Variants in LDHB observed in about 807,000 individuals in gnomAD.
LDHB encodes L-lactate dehydrogenase B chain.
A neutral mutation model predicts 33.4 loss-of-function variants in LDHB; 18 were observed. The observed-to-expected ratio is 0.54, with a 90% CI of 0.37 to 0.80. The LOEUF (loss-of-function observed/expected upper bound fraction) is 0.80, where lower values mean the gene tolerates loss of function less well. Among genes scored for constraint, LDHB ranks in the 30% least tolerant of loss-of-function variants. The pLI, the probability that LDHB is intolerant of heterozygous loss-of-function variation, is 0.00. For synonymous variants in LDHB, 121 were observed against 140.6 expected, an observed-to-expected ratio of 0.86 and a Z score of 0.98; for missense variants, 345 against 407.9, an observed-to-expected ratio of 0.85 and a Z score of 1.33.
chr12:21,644,836 G>A (rs896351229), intron 3 of LDHB, among the ~76,000 whole-genome samples: 3 of 152,154 alleles, frequency 2.0e-5, no homozygotes, highest in African/African-American at 7.2e-5. Flanking sequence ...GATGAAGTCA[G>A]ATGAAATAAT....
chr12:21,641,935 CTTT>C lies in LDHB; in HGVS notation c.595+14_595+16del, dbSNP rs79867159. 2 of 1,275,676 alleles carry C rather than the reference CTTT, an allele frequency of 1.6e-6. No individual in the cohort carries two copies. Among genetic ancestry groups the C allele is most frequent in the South Asian group, 1.4e-5 (1 of 70,732 alleles). 79.0% of individuals were successfully genotyped at this position (1,275,676 alleles called of 1,614,324 possible). A position where few individuals can be genotyped will look rare whatever the true frequency, so the allele number is the denominator to read the frequency against. ...AAACCAACATCACAAGTAATTATTT[CTTT>C]TTTTTTTCTTTACCACTTGAGTCGC... is the stretch of plus-strand genomic sequence containing the variant. On this transcript the variant is annotated intron_variant, in intron 5 of 7. Transcript: ENST00000350669.
At chr12:21,654,714 G>A (rs1461701128) in intron 1 of LDHB, 37 bp from the exon 2 acceptor site, 1 of 1,530,264 alleles carries the variant, frequency 6.5e-7, no homozygotes. Flanking sequence ...ACGTATATCT[G>A]CATATGAAAT....
At chr12:21,654,385 C>A (rs1938778625) in intron 2 of LDHB, 158 bp downstream of exon 2, 2 of 674,134 alleles carry the variant, frequency 3.0e-6, no homozygotes, top group Non-Finnish European at 5.2e-6. Flanking sequence ...GAGATACATG[C>A]TTAAATATTT....
intron 3 of LDHB, 72 bp downstream of exon 3, chr12:21,646,827 A>C: frequency 1.2e-6 from 1 of 853,874 alleles, no homozygotes; most frequent in African/African-American, 1.6e-5. Flanking sequence ...ATTATGCTGT[A>C]AGATGCATTC....
At chr12:21,653,240 T>TTA (rs1167879723) in intron 2 of LDHB, among the ~76,000 whole-genome samples, 4 of 152,190 alleles carry the variant, frequency 2.6e-5, no homozygotes, top group Non-Finnish European at 5.9e-5. Context: ...TAGAATGGTA[T>TTA]TAGTGTTAAA....
At chr12:21,646,844 T>C (rs1187099894) in intron 3 of LDHB, 55 bp downstream of exon 3, 1 of 980,212 alleles carries the variant, frequency 1.0e-6, no homozygotes, top group African/African-American at 1.6e-5. Flanking sequence ...ATTCCAAATG[T>C]GTTTTGGGGC....
chr12:21,646,968 T>C lies in LDHB; in HGVS notation c.178A>G (p.Lys60Glu), dbSNP rs1938543300. The C allele has an allele frequency of 9.3e-6, 15 of 1,613,888 alleles. No individual in the cohort carries two copies. Among genetic ancestry groups the C allele is most frequent in the Non-Finnish European group, 1.3e-5 (15 of 1,179,848 alleles). The change falls in exon 3 of 8, where the codon AAA becomes GAA. Residue 60 changes from lysine (K) to glutamate (E), a missense_variant. Coordinates refer to ENST00000350669, the MANE Select transcript of LDHB (RefSeq NM_002300.8). ...ALVDVLEDKL[K>E]GEMMDLQHGS... ...TGCTGCAGATCCATCATTTCTCCTT[T>C]AAGCTTATCTTCCAAAACATCCACA...
At chr12:21,654,863 C>G (rs1456391922) in intron 1 of LDHB, among the ~76,000 whole-genome samples, 186 bp from the exon 2 acceptor site, 1 of 152,058 alleles carries the variant, frequency 6.6e-6, no homozygotes, top group Non-Finnish European at 1.5e-5. Context: ...TGGCTCATGC[C>G]TGTAATCCCA....
chr12:21,644,431 A>AC (rs1938462004), intron 3 of LDHB, among the ~76,000 whole-genome samples: 15 of 139,342 alleles, frequency 1.1e-4, no homozygotes, highest in African/African-American at 3.4e-4. Flanking sequence ...CATCAAAAAA[A>AC]AAAAAAAAAA....
rs1395756826 is a variant in LDHB at position 21,654,577 on chromosome 12, A to T, written c.95T>A (p.Val32Asp). ...NKITVVGVGQ[V>D]GMACAISILG... ...AATGCTGATAGCACACGCCATACCA[A>T]CTTGTCCAACACCCACTACAGTGAT... The change falls in exon 2 of 8, where the codon GTT becomes GAT. Residue 32 changes from valine to aspartate, a missense_variant. Val to Asp is a radical substitution (Grantham distance 152, BLOSUM62 -3). Coordinates refer to ENST00000350669, the MANE Select transcript of LDHB (RefSeq NM_002300.8). 6.2e-7 allele frequency: 1 copy of T among 1,614,016 alleles called. No individual in the cohort carries two copies. The highest frequency in any genetic ancestry group is 8.5e-7 in the Non-Finnish European group (1 of 1,179,982).
intron 2 of LDHB, among the ~76,000 whole-genome samples, chr12:21,649,421 G>A (rs1261915150): frequency 6.6e-6 from 1 of 152,138 alleles, no homozygotes; most frequent in African/African-American, 2.4e-5. Flanking sequence ...GCTATTGTTT[G>A]GCTTAAATAA....
intron 3 of LDHB, among the ~76,000 whole-genome samples, chr12:21,646,094 G>A (rs557590997): frequency 4.1e-4 from 63 of 152,242 alleles, no homozygotes; most frequent in Non-Finnish European, 6.8e-4. Context: ...GGATAAACTG[G>A]ACCCAGATGA....
At chr12:21,650,908 G>A (rs1220792393) in intron 2 of LDHB, among the ~76,000 whole-genome samples, 1 of 152,224 alleles carries the variant, frequency 6.6e-6, no homozygotes, top group Non-Finnish European at 1.5e-5. Context: ...GTGCTCTGAA[G>A]GGCATAAGAC....
At chr12:21,641,892 GA>G in intron 5 of LDHB, 59 bp downstream of exon 5, 1 of 1,423,688 alleles carries the variant, frequency 7.0e-7, no homozygotes, top group Non-Finnish European at 9.7e-7. Flanking sequence ...GAAATAAAAT[GA>G]AAAATTCAAA....
intron 2 of LDHB, 169 bp downstream of exon 2, chr12:21,654,374 G>A: frequency 1.6e-6 from 1 of 639,696 alleles, no homozygotes; most frequent in African/African-American, 1.8e-5. Flanking sequence ...AATTCTTTTA[G>A]GAGATACATG....
At chr12:21,647,052 C>T (rs1462325865) in intron 2 of LDHB, 36 bp from the exon 3 acceptor site, 1 of 1,293,204 alleles carries the variant, frequency 7.7e-7, no homozygotes. Flanking sequence ...AACCCTAAGC[C>T]ACTCTAGGAT....
intron 1 of LDHB, among the ~76,000 whole-genome samples, chr12:21,654,917 T>C (rs1938797149): frequency 6.6e-6 from 1 of 151,524 alleles, no homozygotes; most frequent in South Asian, 2.1e-4. Context: ...GGTCAAGAGA[T>C]TGAGACCATC....
chr12:21,638,531 T>G, intron 5 of LDHB, 61 bp from the exon 6 acceptor site: 2 of 1,206,014 alleles, frequency 1.7e-6, no homozygotes, highest in Non-Finnish European at 2.4e-6. Flanking sequence ...AAAAAATATT[T>G]TCTTCTTTTA....
intron 2 of LDHB, 149 bp from the exon 3 acceptor site, chr12:21,647,165 G>A (rs955865815): frequency 1.1e-5 from 7 of 630,562 alleles, no homozygotes; most frequent in African/African-American, 1.1e-4. Context: ...TACTCAATGA[G>A]GATTCAGTTC....
Sources: gnomAD v4.1 joint callset for allele counts (sites outside exome capture counted in the v4.1 genomes callset) on GRCh38, gnomAD v4.1.1 for gene constraint, MANE v1.5 for transcripts, NCBI Gene and HGNC (gene_info 2026-07-23, HGNC 2026-07-21) for gene names.